IL2RB: variants seen among roughly 807,000 people sequenced by gnomAD.
IL2RB encodes the protein interleukin 2 receptor subunit beta.
Under a neutral mutation model 44.2 loss-of-function variants are expected in IL2RB, and 17 were observed. The observed-to-expected ratio is 0.38, with a 90% CI of 0.26 to 0.58. The LOEUF (loss-of-function observed/expected upper bound fraction) is 0.58, where lower values mean the gene tolerates loss of function less well. Among genes scored for constraint, IL2RB ranks in the 20% least tolerant of loss-of-function variants. The pLI, the probability that IL2RB is intolerant of heterozygous loss-of-function variation, is 0.63. For missense variants in IL2RB, 624 were observed against 685.5 expected (o/e 0.91, Z 1.00); for synonymous variants, 286 against 297.9 (o/e 0.96, Z 0.41).
At chr22:37,130,657 G>A (rs1282424581) in intron 9 of IL2RB, among the ~76,000 whole-genome samples, 2 of 152,214 alleles carry the variant, frequency 1.3e-5, no homozygotes, top group Admixed American at 1.3e-4. Flanking sequence ...CCCACCTCAC[G>A]ATGTTGTAGG....
chr22:37,173,515 A>T (rs1164503932), intron 1 of IL2RB, among the ~76,000 whole-genome samples: 1 of 152,224 alleles, frequency 6.6e-6, no homozygotes, highest in Non-Finnish European at 1.5e-5. Context: ...AATATAAGAA[A>T]GTGTCTACCT....
intron 1 of IL2RB, among the ~76,000 whole-genome samples, chr22:37,166,581 C>T (rs1923087788): frequency 6.6e-6 from 1 of 152,194 alleles, no homozygotes; most frequent in South Asian, 2.1e-4. Flanking sequence ...TCTGGACTGC[C>T]CAACTACTTC....
chr22:37,144,766 C>T (rs2146246583), intron 1 of IL2RB, among the ~76,000 whole-genome samples: 1 of 152,172 alleles, frequency 6.6e-6, no homozygotes, highest in Non-Finnish European at 1.5e-5. Flanking sequence ...AAAAGAAGCA[C>T]CCTTTGTTAC....
upstream of IL2RB, among the ~76,000 whole-genome samples, chr22:37,150,338 T>A (rs1310318195): frequency 6.6e-6 from 1 of 151,952 alleles, no homozygotes; most frequent in Admixed American, 6.6e-5. Flanking sequence ...CTCACCCTCC[T>A]CCCAGCCTGC....
chr22:37,135,516 C>A, intron 7 of IL2RB, 74 bp from the exon 8 acceptor site: 1 of 891,564 alleles, frequency 1.1e-6, no homozygotes, highest in Non-Finnish European at 1.8e-6. Context: ...TCGGTCACCC[C>A]AACACCCCCA....
chr22:37,133,687 G>A (rs577474340), intron 8 of IL2RB, among the ~76,000 whole-genome samples: 78 of 152,338 alleles, frequency 5.1e-4, no homozygotes, highest in Non-Finnish European at 9.1e-4. Flanking sequence ...TACAGAGGGC[G>A]AAGTGGATCC....
intron 1 of IL2RB, among the ~76,000 whole-genome samples, chr22:37,163,558 C>T (rs1360732376): frequency 6.6e-6 from 1 of 152,224 alleles, no homozygotes; most frequent in African/African-American, 2.4e-5. Flanking sequence ...CCAGGAAAGT[C>T]ATCCTCTGAT....
chr22:37,174,086 G>C (rs1321319646), intron 1 of IL2RB, among the ~76,000 whole-genome samples: 7 of 152,210 alleles, frequency 4.6e-5, no homozygotes, highest in Non-Finnish European at 7.3e-5. Context: ...GGGTTCAGGG[G>C]TAAATCTCAC....
intron 1 of IL2RB, among the ~76,000 whole-genome samples, chr22:37,167,671 G>C (rs569273495): frequency 6.6e-6 from 1 of 152,340 alleles, no homozygotes; most frequent in South Asian, 2.1e-4. Context: ...ATCTAAAGTG[G>C]ATGCTGCCCT....
chr22:37,161,297 C>A (rs981314404), intron 1 of IL2RB, among the ~76,000 whole-genome samples: 6 of 152,334 alleles, frequency 3.9e-5, no homozygotes, highest in African/African-American at 1.4e-4. Context: ...GTGGCATTGA[C>A]AAAGGGACCC....
chr22:37,169,288 CT>C (rs1569056031), intron 1 of IL2RB, among the ~76,000 whole-genome samples: 2 of 146,964 alleles, frequency 1.4e-5, no homozygotes, highest in African/African-American at 5.3e-5. Flanking sequence ...CAGATGGATT[CT>C]GTTTACAGAG....
At chr22:37,140,133 T>G (rs886414725) in intron 4 of IL2RB, among the ~76,000 whole-genome samples, 6 of 152,004 alleles carry the variant, frequency 3.9e-5, no homozygotes, top group African/African-American at 1.5e-4. Flanking sequence ...TTGGGCACCG[T>G]CCCTCTGGTC....
chr22:37,139,173 C>T lies in IL2RB; in HGVS notation c.332G>A (p.Arg111His), dbSNP rs137877148. The T allele has an allele frequency of 6.0e-5, 97 of 1,613,852 alleles. No individual in the cohort carries two copies. The highest frequency in any genetic ancestry group is 5.6e-4 in the East Asian group (25 of 44,890). Residue 111 changes from arginine to histidine, a missense_variant, in exon 5 of 10, where the codon CGT (arginine) becomes CAT (histidine). Arg to His is a conservative substitution (Grantham distance 29). Coordinates refer to ENST00000216223, the MANE Select transcript of IL2RB (RefSeq NM_000878.5). ...CATCACCCTCCATCGCACCCCCTCA[C>T]GGCACAGCACCCTCAGGGTGACGAT... ...VDIVTLRVLC[R>H]EGVRWRVMAI...
chr22:37,131,896 C>T (rs770602077), intron 9 of IL2RB, among the ~76,000 whole-genome samples: 33 of 152,062 alleles, frequency 2.2e-4, no homozygotes, highest in Non-Finnish European at 3.8e-4. Flanking sequence ...ACCACCAGCC[C>T]GGCTAATTTT....
At chr22:37,138,601 G>C (rs935255346) in intron 5 of IL2RB, among the ~76,000 whole-genome samples, 3 of 152,214 alleles carry the variant, frequency 2.0e-5, no homozygotes, top group African/African-American at 7.2e-5. Context: ...GGGTGGCAGA[G>C]ACTCTGCCTT....
chr22:37,141,857 G>A lies in IL2RB; in HGVS notation c.282+577C>T, dbSNP rs1173073646. Among the ~76,000 whole-genome samples the A allele has an allele frequency of 2.6e-5, 4 of 152,166 alleles. No individual in the cohort carries two copies. Among genetic ancestry groups the A allele is most frequent in the Non-Finnish European group, 4.4e-5 (3 of 68,014 alleles). On this transcript the variant is annotated intron_variant, in intron 4 of 9. Transcript: ENST00000216223. This position sits in a 1 kb window ranked among gnomAD's most constrained non-coding sequence, Gnocchi z 4.4. ...CCGAGCAGCCTGGGCAGAAGGAGGC[G>A]GGTCCCTGGTGAGGTCCCACCTTCA... is the stretch of plus-strand genomic sequence containing the variant.
intron 1 of IL2RB, among the ~76,000 whole-genome samples, chr22:37,169,354 T>C (rs912382154): frequency 6.6e-6 from 1 of 151,972 alleles, no homozygotes; most frequent in Non-Finnish European, 1.5e-5. Flanking sequence ...GGGTTCTTGC[T>C]TACACAGGGG....
At chr22:37,160,368 C>T (rs1361918414) in intron 1 of IL2RB, among the ~76,000 whole-genome samples, 1 of 152,170 alleles carries the variant, frequency 6.6e-6, no homozygotes, top group East Asian at 1.9e-4. Context: ...ACCAGTACCA[C>T]GCAGCATGAT....
chr22:37,136,463 A>C (rs1601598358), intron 6 of IL2RB, 70 bp from the exon 7 acceptor site: 4 of 1,466,146 alleles, frequency 2.7e-6, no homozygotes, highest in Non-Finnish European at 3.7e-6. Context: ...TGAGCATCAC[A>C]GAACCCCCCC....
Sources: gnomAD v4.1 joint callset for allele counts (sites outside exome capture counted in the v4.1 genomes callset) on GRCh38, gnomAD v4.1.1 for gene constraint, Gnocchi (gnomAD v3.1) non-coding constraint, MANE v1.5 for transcripts, NCBI Gene and HGNC (gene_info 2026-07-23, HGNC 2026-07-21) for gene names.